Variants in RYR1 observed in about 807,000 individuals in gnomAD.
The protein encoded by RYR1 is central core disease of muscle.
RYR1 carries 342 observed loss-of-function variants against 583.5 expected under a neutral mutation model. That is an observed-to-expected ratio of 0.59 (90% CI 0.54 to 0.64). The LOEUF (loss-of-function observed/expected upper bound fraction) is 0.64, where lower values mean the gene tolerates loss of function less well. Ranked by LOEUF, RYR1 falls within the 30% of genes least tolerant of loss-of-function variation. The pLI is 0.00. For synonymous variants in RYR1, 2,791 were observed against 2,822.5 expected (o/e 0.99, Z 0.35); for missense variants, 6,032 against 6,917.2 (o/e 0.87, Z 4.54).
At chr19:38,548,201 C>T in intron 88 of RYR1, 32 bp from the exon 89 acceptor site, 1 of 1,613,214 alleles carries the variant, frequency 6.2e-7, no homozygotes, top group Non-Finnish European at 8.5e-7. Flanking sequence ...AGGGAGTGTT[C>T]ACCGGCCACA....
chr19:38,469,661 T>A, intron 27 of RYR1, 148 bp downstream of exon 27: 1 of 870,606 alleles, frequency 1.1e-6, no homozygotes. Context: ...ACGGGCTGTA[T>A]GACTCCGGGT....
In RYR1 at chr19:38,460,430, G is replaced by A. The variant is rs772647350; in HGVS notation, c.2416G>A (p.Gly806Ser). 5 of 1,614,194 alleles carry A rather than the reference G, an allele frequency of 3.1e-6. No homozygotes were observed. The South Asian group carries it at 4.4e-5, about 14-fold the overall frequency. ...TGAATTCAAGTTCCTGCCCCCACCT[G>A]GCTATGCTCCATGCCATGAGGCTGT... ...HGEFKFLPPP[G>S]YAPCHEAVLP... The change falls in exon 20 of 106, where the codon GGC (glycine) becomes AGC (serine). Residue 806 changes from glycine to serine, a missense_variant. Coordinates refer to ENST00000359596, the MANE Select transcript of RYR1 (RefSeq NM_000540.3).
At chr19:38,527,582 G>A in intron 72 of RYR1, 65 bp from the exon 73 acceptor site, 2 of 1,604,010 alleles carry the variant, frequency 1.2e-6, no homozygotes, top group Non-Finnish European at 1.7e-6. Flanking sequence ...AAACGGAAAG[G>A]GGACATCCGG....
At chr19:38,503,120 ATCCTTAT>A (rs1970275182) in intron 49 of RYR1, 150 bp downstream of exon 49, 1 of 774,662 alleles carries the variant, frequency 1.3e-6, no homozygotes, top group African/African-American at 1.7e-5. Flanking sequence ...ATCTCTTAGC[ATCCTTAT>A]TTGCATACTA....
At chr19:38,497,320 G>A (rs1969890412) in intron 42 of RYR1, among the ~76,000 whole-genome samples, 1 of 152,220 alleles carries the variant, frequency 6.6e-6, no homozygotes, top group South Asian at 2.1e-4. Context: ...CCGATCCACA[G>A]TCTAGGCTTC....
Position 38,512,593 on chromosome 19 carries a change from G to A in RYR1, c.9472+110G>A, listed in dbSNP as rs1970781421. 2 of 1,067,690 alleles carry A rather than the reference G, an allele frequency of 1.9e-6. No individual in the cohort carries two copies. Among genetic ancestry groups the A allele is most frequent in the African/African-American group, 3.1e-5 (2 of 64,832 alleles). 66.1% of individuals were successfully genotyped at this position (1,067,690 alleles called of 1,614,324 possible). A position where few individuals can be genotyped will look rare whatever the true frequency, so the allele number is the denominator to read the frequency against. ...TGTTTGAATGTGTGGATTTCTTGCT[G>A]TAAGCAAAGCATGCAGTCAGTACCT... On this transcript the variant is annotated intron_variant, in intron 63 of 105. Coordinates refer to ENST00000359596, the MANE Select transcript of RYR1 (RefSeq NM_000540.3). The surrounding 1 kb of genome is among the most constrained non-coding windows in gnomAD (Gnocchi z 5.1).
intron 16 of RYR1, among the ~76,000 whole-genome samples, chr19:38,457,046 C>CAAAAAAA (rs71165550): frequency 5.1e-5 from 1 of 19,758 alleles, no homozygotes; most frequent in Non-Finnish European, 8.4e-5. Flanking sequence ...ACTCCATCTC[C>CAAAAAAA]AAAAAAAAAA....
At chr19:38,568,038 C>G (rs944427867) in intron 93 of RYR1, 121 bp downstream of exon 93, 20 of 1,212,220 alleles carry the variant, frequency 1.6e-5, no homozygotes, top group Non-Finnish European at 2.3e-5. Context: ...TAAGAAGAAC[C>G]CTAGCTGGGG....
At chr19:38,476,436 G>T (rs1968732753) in intron 29 of RYR1, among the ~76,000 whole-genome samples, 1 of 151,980 alleles carries the variant, frequency 6.6e-6, no homozygotes, top group African/African-American at 2.4e-5. Flanking sequence ...TGACCTCGTG[G>T]TCTACCCGCC....
At chr19:38,477,892 GGGAGGT>G in intron 30 of RYR1, 22 bp downstream of exon 30, 1 of 1,540,888 alleles carries the variant, frequency 6.5e-7, no homozygotes, top group Non-Finnish European at 8.9e-7. Context: ...GGGGGGAGGT[GGGAGGT>G]GCAGGGTGGG....
At chr19:38,437,737 A>G (rs1292908127) in intron 1 of RYR1, among the ~76,000 whole-genome samples, 1 of 151,972 alleles carries the variant, frequency 6.6e-6, no homozygotes, top group Non-Finnish European at 1.5e-5. Flanking sequence ...GATCACTTGA[A>G]ACCAGGAGTC....
chr19:38,459,044 A>T, intron 18 of RYR1, 102 bp from the exon 19 acceptor site: 1 of 1,023,820 alleles, frequency 9.8e-7, no homozygotes, highest in African/African-American at 1.6e-5. Flanking sequence ...GGTTTCCAGG[A>T]TGCAATCTCC....
intron 67 of RYR1, among the ~76,000 whole-genome samples, chr19:38,520,466 G>A (rs1031881470): frequency 1.3e-5 from 2 of 151,354 alleles, no homozygotes; most frequent in African/African-American, 4.9e-5. Flanking sequence ...AGGCCGAGGT[G>A]GGCAGATCAC....
chr19:38,448,154 G>C (rs1312854716), intron 9 of RYR1, among the ~76,000 whole-genome samples: 1 of 151,984 alleles, frequency 6.6e-6, no homozygotes, highest in East Asian at 1.9e-4. Flanking sequence ...TGTCCAGGCC[G>C]GGTGCAGTGG....
intron 97 of RYR1, among the ~76,000 whole-genome samples, chr19:38,577,162 A>C (rs1973994617): frequency 6.6e-6 from 1 of 152,082 alleles, no homozygotes. Context: ...CTGGGATTAC[A>C]GGCACGAGCC....
At chr19:38,528,001 C>T in intron 73 of RYR1, 2 of 622,586 alleles carry the variant, frequency 3.2e-6, no homozygotes, top group Non-Finnish European at 5.6e-6. Context: ...AGGGGCAGAT[C>T]TTTAGGTCTA....
chr19:38,563,270 G>A (rs1973236922), intron 90 of RYR1, among the ~76,000 whole-genome samples: 1 of 152,044 alleles, frequency 6.6e-6, no homozygotes, highest in Admixed American at 6.6e-5. Flanking sequence ...ACACTACGGT[G>A]TTGTTGTTGT....
intron 7 of RYR1, among the ~76,000 whole-genome samples, chr19:38,445,437 GC>G (rs1307932074): frequency 6.6e-6 from 1 of 151,820 alleles, no homozygotes; most frequent in East Asian, 1.9e-4. Flanking sequence ...AGATTCCCAT[GC>G]TAAGACTCCA....
In RYR1 at chr19:38,519,398, C is replaced by T; in HGVS notation, c.10203C>T (p.Leu3401=). The T allele has an allele frequency of 6.2e-7, 1 of 1,603,956 alleles. No individual in the cohort carries two copies. The highest frequency in any genetic ancestry group is 8.5e-7 in the Non-Finnish European group (1 of 1,175,820). Residue 3401 remains leucine, a synonymous_variant, in exon 67 of 106, where the codon CTC becomes CTT. Coordinates refer to ENST00000359596, the MANE Select transcript of RYR1 (RefSeq NM_000540.3). ...TGGTGCGGGACGAGTTCTCTGTGCT[C>T]TGCCGGGACCTCTACGCCCTGTATC... ...ELLVRDEFSV[L]CRDLYALYPL...
Sources: gnomAD v4.1 joint callset for allele counts (sites outside exome capture counted in the v4.1 genomes callset) on GRCh38, gnomAD v4.1.1 for gene constraint, Gnocchi (gnomAD v3.1) non-coding constraint, MANE v1.5 for transcripts, NCBI Gene and HGNC (gene_info 2026-07-23, HGNC 2026-07-21) for gene names.